The following TUBD1 variants were observed in gnomAD, a reference collection of about 807,000 sequenced individuals.
The protein encoded by TUBD1 is tubulin delta 1.
In TUBD1, 38 loss-of-function variants were observed where a neutral mutation model predicts 51.2. That is an observed-to-expected ratio of 0.74 (90% CI 0.57 to 0.97). TUBD1 has a LOEUF of 0.97. Among genes scored for constraint, TUBD1 ranks in the 50% least tolerant of loss-of-function variants. The pLI is 0.00. For synonymous variants in TUBD1, 169 were observed against 178.2 expected (o/e 0.95, Z 0.41); for missense variants, 489 against 538.4 (o/e 0.91, Z 0.91).
chr17:59,865,530 A>C (rs1449582827), intron 7 of TUBD1, among the ~76,000 whole-genome samples: 3 of 152,108 alleles, frequency 2.0e-5, no homozygotes, highest in Non-Finnish European at 2.9e-5. Context: ...CAGTGAGCTG[A>C]GATTACACCA....
intron 7 of TUBD1, 30 bp from the exon 8 acceptor site, chr17:59,863,877 T>C (rs769471166): frequency 7.0e-7 from 1 of 1,421,238 alleles, no homozygotes; most frequent in East Asian, 2.6e-5. Flanking sequence ...AGCCGTCTTT[T>C]TATAGCATAA....
chr17:59,880,575 C>T lies in TUBD1; in HGVS notation c.537+319G>A, dbSNP rs550525942. Reference sequence around the variant, plus strand: ...TATTGCCCAGGCTGGAGTACGGTAGCGCGATCTTGGCTCACTGCAAGCTCC... The same window carrying T: ...TATTGCCCAGGCTGGAGTACGGTAGTGCGATCTTGGCTCACTGCAAGCTCC... On this transcript the variant is annotated intron_variant, in intron 4 of 8. Transcript: ENST00000325752. Among the ~76,000 whole-genome samples, 9 of 151,890 alleles carry T rather than the reference C, an allele frequency of 5.9e-5. 1 individual carries two copies. The highest frequency in any genetic ancestry group is 4.2e-4 in the South Asian group (2 of 4,812).
At chr17:59,885,391 C>T in intron 3 of TUBD1, 1 of 925,724 alleles carries the variant, frequency 1.1e-6, no homozygotes, top group African/African-American at 1.6e-5. Flanking sequence ...GTGTATGCAG[C>T]TGTTCGGCTT....
In TUBD1 at chr17:59,866,520, A is replaced by G. The variant is rs557676397; in HGVS notation, c.1075+89T>C. 3.0e-3 allele frequency: 4,577 copies of G among 1,517,474 alleles called. 18 individuals carry two copies. The highest frequency in any genetic ancestry group is 3.5e-3 in the South Asian group (265 of 76,806). The allele number at this position is 1,517,474 out of a possible 1,614,324, so 94.0% of individuals were successfully genotyped here. ...CACAGTTATTACTTTCCTTTCTCCA[A>G]GAACACAGGGACTTTTTAAAAACCA... On this transcript the variant is annotated intron_variant, in intron 7 of 8. Transcript: ENST00000325752.
At chr17:59,876,329 C>A (rs192629662) in intron 5 of TUBD1, among the ~76,000 whole-genome samples, 1 of 151,854 alleles carries the variant, frequency 6.6e-6, no homozygotes, top group Non-Finnish European at 1.5e-5. Context: ...TAGGTGCACA[C>A]CACCATGCCT....
chr17:59,888,378 G>A (rs915882266), intron 2 of TUBD1, among the ~76,000 whole-genome samples: 2 of 152,172 alleles, frequency 1.3e-5, no homozygotes, highest in African/African-American at 4.8e-5. Context: ...AAGGTGGAAA[G>A]GGAAGAACAG....
chr17:59,866,339 A>G (rs1205934431), intron 7 of TUBD1, among the ~76,000 whole-genome samples: 4 of 150,830 alleles, frequency 2.7e-5, no homozygotes, highest in Non-Finnish European at 4.4e-5. Context: ...GGCTCAAGCT[A>G]TCCTTCTGCC....
rs2040144752 is a variant in TUBD1, at chr17:59,874,634, A to G, written c.839T>C (p.Met280Thr). Residue 280 changes from methionine to threonine, a missense_variant, in exon 6 of 9, where the codon ATG (methionine) becomes ACG (threonine). Met to Thr is a moderately conservative substitution (Grantham distance 81, BLOSUM62 -1). Transcript: ENST00000325752. ...KMLSVRNIPH[M>T]SENSLAYTTF... Reference sequence around the variant, plus strand: ...GGTGTATGCCAATGAATTCTCAGACATGTGAGGAATGTTACGAACACTCAG... The same window carrying G: ...GGTGTATGCCAATGAATTCTCAGACGTGTGAGGAATGTTACGAACACTCAG... 1.2e-6 allele frequency: 2 copies of G among 1,613,760 alleles called. No homozygotes were observed. The highest frequency in any genetic ancestry group is 1.7e-6 in the Non-Finnish European group (2 of 1,179,934).
In TUBD1 at chr17:59,892,783, C is replaced by T. The variant is rs2041184420; in HGVS notation, c.-126G>A. 5.9e-6 allele frequency: 1 copy of T among 169,970 alleles called. No homozygotes were observed. Among genetic ancestry groups the T allele is most frequent in the African/African-American group, 2.4e-5 (1 of 42,052 alleles). The allele number at this position is 169,970 out of a possible 1,614,324, so 10.5% of individuals were successfully genotyped here. On this transcript the variant is annotated 5_prime_UTR_variant, in exon 1 of 9. Transcript: ENST00000325752. ...GCATGCTCACTTTCAAAACGAAAAA[C>T]TTACTGAGAACAAATGCGCATGTTC...
chr17:59,880,183 TGAG>T (rs1401287770), intron 4 of TUBD1, among the ~76,000 whole-genome samples: 2 of 152,016 alleles, frequency 1.3e-5, no homozygotes, highest in African/African-American at 4.8e-5. Context: ...CTCAACCTCC[TGAG>T]TAGCTGAGAC....
intron 3 of TUBD1, among the ~76,000 whole-genome samples, chr17:59,884,262 A>T (rs1052515463): frequency 1.5e-5 from 2 of 137,144 alleles, no homozygotes; most frequent in African/African-American, 2.7e-5. Context: ...CTCTTGTCTT[A>T]AAAAAAAAAA....
Position 59,892,884 on chromosome 17 carries a change from T to A in TUBD1, c.-227A>T. On this transcript the variant is annotated 5_prime_UTR_variant, in exon 1 of 9. It introduces an in-frame stop codon into an upstream open reading frame of the 5' UTR. Transcript: ENST00000325752. ...TAATTACGCATGTTCAATTTCAATT[T>A]ACGAACTTCAGATATGGTACGCATG... 2.7e-6 allele frequency: 1 copy of A among 376,316 alleles called. No individual in the cohort carries two copies. The highest frequency in any genetic ancestry group is 4.9e-6 in the Non-Finnish European group (1 of 203,408). The allele number at this position is 376,316 out of a possible 1,614,324, so 23.3% of individuals were successfully genotyped here. A position where few individuals can be genotyped will look rare whatever the true frequency, so the allele number is the denominator to read the frequency against.
chr17:59,886,887 C>A (rs753842170), intron 2 of TUBD1, among the ~76,000 whole-genome samples: 2 of 151,294 alleles, frequency 1.3e-5, no homozygotes, highest in Non-Finnish European at 2.9e-5. Flanking sequence ...CCCGATCCTA[C>A]TAAAAATACA....
chr17:59,890,877 A>G lies in TUBD1; in HGVS notation c.126T>C (p.Tyr42=), dbSNP rs2040969010. ...AGAATCTTTCTTTGCAAGATGCTTG[A>G]TATGCCTCATTCTCTCTCATAGAGC... is the stretch of plus-strand genomic sequence containing the variant. ...GLCSMRENEA[Y]QASCKERFFS... is the part of the protein sequence containing the mutation. Residue 42 remains tyrosine, a synonymous_variant, in exon 2 of 9, where the codon TAT becomes TAC. Coordinates refer to ENST00000325752, the MANE Select transcript of TUBD1 (RefSeq NM_016261.4). 6.2e-7 allele frequency: 1 copy of G among 1,613,550 alleles called. No homozygotes were observed. Among genetic ancestry groups the G allele is most frequent in the Non-Finnish European group, 8.5e-7 (1 of 1,179,880 alleles).
rs533262596 is a variant in TUBD1, at chr17:59,861,456, T to C, written c.1260-1032A>G. Among the ~76,000 whole-genome samples the C allele has an allele frequency of 1.8e-3, 267 of 151,728 alleles. 2 individuals are homozygous for C. The highest frequency in any genetic ancestry group is 3.4e-3 in the Middle Eastern group (1 of 292). ...TCAAGTGATCCACCTGCCTTGGCCT[T>C]CCAAAGTGCTGGGGTTACAAGCGTG... On this transcript the variant is annotated intron_variant, in intron 8 of 8. Transcript: ENST00000325752.
At chr17:59,885,567 G>A in intron 3 of TUBD1, 1 of 1,337,790 alleles carries the variant, frequency 7.5e-7, no homozygotes, top group Non-Finnish European at 1.1e-6. Flanking sequence ...GAGGCTTCGT[G>A]GGCTTTTGTG....
Position 59,892,915 on chromosome 17 carries a change from T to C in TUBD1, c.-258A>G. ...CTTCAGATATGGTACGCATGCTCAC[T>C]GTCCACCGAACGCTCCAGCTGACAA... On this transcript the variant is annotated 5_prime_UTR_variant, in exon 1 of 9. Coordinates refer to ENST00000325752, the MANE Select transcript of TUBD1 (RefSeq NM_016261.4). 4.1e-6 allele frequency: 2 copies of C among 482,336 alleles called. No individual in the cohort carries two copies. The highest frequency in any genetic ancestry group is 7.5e-6 in the Non-Finnish European group (2 of 265,874). 29.9% of individuals were successfully genotyped at this position (482,336 alleles called of 1,614,324 possible). A position where few individuals can be genotyped will look rare whatever the true frequency, so the allele number is the denominator to read the frequency against.
At chr17:59,875,323 C>T (rs1014337897) in intron 5 of TUBD1, among the ~76,000 whole-genome samples, 2 of 151,312 alleles carry the variant, frequency 1.3e-5, no homozygotes, top group Admixed American at 6.6e-5. Flanking sequence ...GATCTGCCTG[C>T]CTTGGCCTCC....
chr17:59,882,366 T>C (rs1297884701), intron 3 of TUBD1, among the ~76,000 whole-genome samples: 1 of 151,950 alleles, frequency 6.6e-6, no homozygotes, highest in Non-Finnish European at 1.5e-5. Flanking sequence ...TCACTAAAAC[T>C]ACCTCCGCCT....
Sources: allele counts gnomAD v4.1 joint callset (sites outside exome capture counted in the v4.1 genomes callset), GRCh38; gene constraint gnomAD v4.1.1; transcripts MANE v1.5; gene names NCBI Gene and HGNC (gene_info 2026-07-23, HGNC 2026-07-21).